ZNF385D: variants seen among roughly 807,000 people sequenced by gnomAD.
ZNF385D encodes the protein zinc finger protein 385D.
In ZNF385D, 15 loss-of-function variants were observed where a neutral mutation model predicts 35.8. That is an observed-to-expected ratio of 0.42 (90% CI 0.28 to 0.64). The LOEUF (loss-of-function observed/expected upper bound fraction) is 0.64. Ranked by LOEUF, ZNF385D falls within the 30% of genes least tolerant of loss-of-function variation. ZNF385D has a pLI of 0.23. For missense variants in ZNF385D, 474 were observed against 494.6 expected (o/e 0.96, Z 0.39); for synonymous variants, 212 against 186.8 (o/e 1.13, Z -1.10).
chr3:22,231,850 C>T (rs1216577992), intron 2 of ZNF385D, among the ~76,000 whole-genome samples: 1 of 151,962 alleles, frequency 6.6e-6, no homozygotes, highest in Non-Finnish European at 1.5e-5. Flanking sequence ...GGTTTAGCAT[C>T]ATTCCTTTGA....
chr3:22,123,598 G>A (rs1208730256), intron 3 of ZNF385D, among the ~76,000 whole-genome samples: 2 of 152,098 alleles, frequency 1.3e-5, no homozygotes, highest in Non-Finnish European at 1.5e-5. Context: ...GGTGGCTGAC[G>A]CCTTTAATCC....
At chr3:21,626,210 T>C (rs533547638) in intron 2 of ZNF385D, among the ~76,000 whole-genome samples, 14 of 152,018 alleles carry the variant, frequency 9.2e-5, no homozygotes, top group African/African-American at 3.1e-4. Flanking sequence ...GAGGCAGAGG[T>C]TGTAGAACAA....
In ZNF385D at chr3:21,497,898, A is replaced by G. The variant is rs543400872; in HGVS notation, c.439+12963T>C. The stretch of plus-strand genomic sequence containing the variant: ...AATAAAACTCTTACGGAACCAGAAA[A>G]GAACCCAAATAGCCAAAGCAATCCT... On this transcript the variant is annotated intron_variant, in intron 4 of 7. Coordinates refer to ENST00000281523, the MANE Select transcript of ZNF385D (RefSeq NM_024697.3). Among the ~76,000 whole-genome samples the G allele has an allele frequency of 3.5e-4, 54 of 152,178 alleles. 1 individual carries two copies. The South Asian group carries it at 5.8e-3, about 16-fold the overall frequency.
chr3:22,349,332 A>T (rs1695810276), intron 2 of ZNF385D, among the ~76,000 whole-genome samples: 1 of 152,186 alleles, frequency 6.6e-6, no homozygotes, highest in Non-Finnish European at 1.5e-5. Flanking sequence ...CACTGTCACA[A>T]TGTGAATAGT....
At chr3:21,647,780 T>C (rs574614985) in intron 2 of ZNF385D, among the ~76,000 whole-genome samples, 29 of 152,292 alleles carry the variant, frequency 1.9e-4, no homozygotes, top group Admixed American at 1.3e-3. Context: ...ACTGCCTACA[T>C]TTAACTGTAG....
chr3:21,823,983 A>T (rs1223410959), intron 3 of ZNF385D, among the ~76,000 whole-genome samples: 1 of 152,202 alleles, frequency 6.6e-6, no homozygotes, highest in Non-Finnish European at 1.5e-5. Flanking sequence ...TTAATGATGC[A>T]TGAAAATAAA....
At chr3:22,020,323 G>A (rs1366432701) in intron 3 of ZNF385D, among the ~76,000 whole-genome samples, 2 of 151,788 alleles carry the variant, frequency 1.3e-5, no homozygotes, top group Admixed American at 6.6e-5. Flanking sequence ...CAAGTATGTT[G>A]GTGAAAGCTT....
chr3:22,168,890 T>C, exon 3 of ZNF385D: 1 of 985,854 alleles, frequency 1.0e-6, no homozygotes, highest in Non-Finnish European at 1.2e-6. Flanking sequence ...TGTAGTGGAT[T>C]TGTGCTTGAG....
chr3:22,104,836 T>C (rs1254323037), intron 3 of ZNF385D, among the ~76,000 whole-genome samples: 9 of 152,134 alleles, frequency 5.9e-5, no homozygotes, highest in Admixed American at 2.6e-4. Flanking sequence ...CAAAAGAGTC[T>C]CTGAACTTGA....
intron 2 of ZNF385D, among the ~76,000 whole-genome samples, chr3:22,311,231 A>G (rs1703529813): frequency 6.6e-6 from 1 of 152,080 alleles, no homozygotes; most frequent in Admixed American, 6.6e-5. Flanking sequence ...GAATGCTAAT[A>G]CTTTTATCTT....
At chr3:22,080,135 G>A (rs1237089802) in intron 3 of ZNF385D, among the ~76,000 whole-genome samples, 1 of 152,088 alleles carries the variant, frequency 6.6e-6, no homozygotes. Flanking sequence ...AATTACTTAG[G>A]AAGTTCTGAA....
At chr3:22,078,131 TC>T in intron 3 of ZNF385D, among the ~76,000 whole-genome samples, 1 of 152,166 alleles carries the variant, frequency 6.6e-6, no homozygotes, top group South Asian at 2.1e-4. Flanking sequence ...TGGGAGAATT[TC>T]CTAGGCTCAT....
chr3:21,989,079 G>A (rs929069202), intron 3 of ZNF385D, among the ~76,000 whole-genome samples: 4 of 152,124 alleles, frequency 2.6e-5, no homozygotes, highest in Admixed American at 6.5e-5. Context: ...GATGAACCCG[G>A]TACCTCAGAT....
chr3:22,345,892 A>C (rs962363737), intron 2 of ZNF385D, among the ~76,000 whole-genome samples: 1 of 152,202 alleles, frequency 6.6e-6, no homozygotes, highest in Non-Finnish European at 1.5e-5. Context: ...AAGTCAGGGC[A>C]TCTCTGAGGG....
At chr3:21,665,243 ATC>A (rs1424784449) in intron 1 of ZNF385D, among the ~76,000 whole-genome samples, 1 of 152,158 alleles carries the variant, frequency 6.6e-6, no homozygotes, top group Non-Finnish European at 1.5e-5. Flanking sequence ...GATTATAACT[ATC>A]TGGTTATGTA....
intron 3 of ZNF385D, among the ~76,000 whole-genome samples, chr3:22,119,754 G>A (rs1367061515): frequency 6.6e-6 from 1 of 152,082 alleles, no homozygotes; most frequent in Non-Finnish European, 1.5e-5. Context: ...GATTCCCTGG[G>A]ATTTCTCTGC....
At chr3:22,273,275 T>TA (rs564802941) in intron 2 of ZNF385D, among the ~76,000 whole-genome samples, 209 of 152,084 alleles carry the variant, frequency 1.4e-3, no homozygotes, top group African/African-American at 4.5e-3. Context: ...CTAATACACA[T>TA]ACACACACAT....
At chr3:21,878,275 G>A (rs1006843842) in intron 3 of ZNF385D, 1 of 151,916 alleles carries the variant, frequency 6.6e-6, no homozygotes, top group African/African-American at 2.4e-5. Context: ...TTGAAAGCAA[G>A]CAGTCTGACT....
intron 4 of ZNF385D, among the ~76,000 whole-genome samples, chr3:21,488,181 C>T (rs1205185419): frequency 6.6e-6 from 1 of 151,820 alleles, no homozygotes; most frequent in Non-Finnish European, 1.5e-5. Flanking sequence ...CTTGATCTAC[C>T]TCTTCCTTTT....
Sources: allele counts gnomAD v4.1 joint callset (sites outside exome capture counted in the v4.1 genomes callset), GRCh38; gene constraint gnomAD v4.1.1; transcripts MANE v1.5; gene names NCBI Gene and HGNC (gene_info 2026-07-23, HGNC 2026-07-21).